GPBP1L1: variants seen among roughly 807,000 people sequenced by gnomAD.
GPBP1L1 encodes vasculin-like protein 1.
A neutral mutation model predicts 52.5 loss-of-function variants in GPBP1L1; 23 were observed. That is an observed-to-expected ratio of 0.44 (90% CI 0.32 to 0.62). GPBP1L1 has a LOEUF of 0.62. GPBP1L1 is among the 20% of genes least tolerant of loss of function. GPBP1L1 has a pLI of 0.06. For missense variants in GPBP1L1, 596 were observed against 579.3 expected, an observed-to-expected ratio of 1.03 and a Z score of -0.30; for synonymous variants, 243 against 203.1, an observed-to-expected ratio of 1.20 and a Z score of -1.67.
intron 4 of GPBP1L1, among the ~76,000 whole-genome samples, chr1:45,656,844 G>GT (rs56761133): frequency 2.5e-4 from 37 of 147,440 alleles, no homozygotes; most frequent in East Asian, 4.0e-4. Flanking sequence ...TTTTGTTGTT[G>GT]TTTTTTTTTT....
chr1:45,647,652 T>C (rs1422833429), intron 6 of GPBP1L1, among the ~76,000 whole-genome samples: 3 of 152,244 alleles, frequency 2.0e-5, no homozygotes, highest in African/African-American at 7.2e-5. Flanking sequence ...AGCCAGGTTC[T>C]GACATATAAG....
chr1:45,659,548 A>G (rs1324215216), intron 3 of GPBP1L1, among the ~76,000 whole-genome samples: 1 of 152,196 alleles, frequency 6.6e-6, no homozygotes, highest in African/African-American at 2.4e-5. Flanking sequence ...TTGTTACATC[A>G]AAGAACATGA....
intron 6 of GPBP1L1, among the ~76,000 whole-genome samples, chr1:45,644,371 TAC>T (rs1203260772): frequency 6.6e-6 from 1 of 152,182 alleles, no homozygotes; most frequent in African/African-American, 2.4e-5. Context: ...TTTTAAAAAA[TAC>T]AGTTTTAAAA....
chr1:45,670,857 A>C (rs1645066125), intron 2 of GPBP1L1, among the ~76,000 whole-genome samples: 9 of 129,194 alleles, frequency 7.0e-5, no homozygotes, highest in African/African-American at 2.4e-4. Context: ...CAGTGGTGTG[A>C]TCTCGGCTCA....
intron 2 of GPBP1L1, among the ~76,000 whole-genome samples, chr1:45,661,606 C>A (rs903946697): frequency 1.3e-5 from 2 of 152,106 alleles, no homozygotes; most frequent in African/African-American, 4.8e-5. Flanking sequence ...CAGGTGTGCA[C>A]TACCATGCCC....
At chr1:45,651,872 C>G (rs750814424) in intron 6 of GPBP1L1, 9 of 222,402 alleles carry the variant, frequency 4.0e-5, no homozygotes, top group Non-Finnish European at 7.9e-5. Flanking sequence ...ACTCTTCCTT[C>G]TCTAATTAAC....
chr1:45,640,433 G>GA (rs1644657354), intron 7 of GPBP1L1, 30 bp from the exon 8 acceptor site: 1 of 1,570,748 alleles, frequency 6.4e-7, no homozygotes, highest in Non-Finnish European at 8.8e-7. Context: ...AGAGACAACA[G>GA]AATGTCAAAC....
intron 6 of GPBP1L1, chr1:45,645,782 T>TTTG: frequency 1.7e-5 from 6 of 363,628 alleles, no homozygotes; most frequent in South Asian, 4.4e-5. Context: ...TTTTTTTTTT[T>TTTG]GAGGCATTTT....
intron 2 of GPBP1L1, among the ~76,000 whole-genome samples, chr1:45,675,324 T>TA (rs1360475520): frequency 1.3e-5 from 2 of 151,648 alleles, no homozygotes; most frequent in Admixed American, 1.3e-4. Context: ...TAAATAAAAA[T>TA]AAAAAAATAA....
chr1:45,651,128 A>G (rs1644814221), intron 6 of GPBP1L1: 2 of 502,574 alleles, frequency 4.0e-6, no homozygotes, highest in Non-Finnish European at 7.9e-6. Context: ...CAGTGATGGC[A>G]GATCTCATCG....
chr1:45,642,896 T>C (rs1644692084), intron 6 of GPBP1L1, among the ~76,000 whole-genome samples: 1 of 152,206 alleles, frequency 6.6e-6, no homozygotes, highest in African/African-American at 2.4e-5. Flanking sequence ...TGTATAGTAT[T>C]CACTGCATTT....
chr1:45,659,135 G>C lies in GPBP1L1; in HGVS notation c.-48C>G, dbSNP rs1187017666. 1 of 1,592,738 alleles carries C rather than the reference G, an allele frequency of 6.3e-7. No homozygotes were observed. Among genetic ancestry groups the C allele is most frequent in the Middle Eastern group, 1.7e-4 (1 of 6,024 alleles). ...GTAAGGTGAGGCATCCAACCTCATG[G>C]CCAGGATCTGAAAACAAAACAATTC... On this transcript the variant is annotated 5_prime_UTR_variant, in exon 4 of 13. Coordinates refer to ENST00000355105, the MANE Select transcript of GPBP1L1 (RefSeq NM_021639.5).
chr1:45,651,745 C>T, intron 6 of GPBP1L1: 1 of 376,050 alleles, frequency 2.7e-6, no homozygotes, highest in Non-Finnish European at 4.8e-6. Flanking sequence ...ATAGCGGATT[C>T]ACCACTTTCT....
intron 11 of GPBP1L1, among the ~76,000 whole-genome samples, chr1:45,629,896 A>G (rs1294687324): frequency 6.6e-6 from 1 of 151,850 alleles, no homozygotes; most frequent in Non-Finnish European, 1.5e-5. Flanking sequence ...GCTAAAGAAG[A>G]GACAGTAGAA....
chr1:45,653,712 T>C (rs1307939398), intron 6 of GPBP1L1, among the ~76,000 whole-genome samples: 1 of 151,034 alleles, frequency 6.6e-6, no homozygotes, highest in Non-Finnish European at 1.5e-5. Context: ...CTTTTTTTTT[T>C]TTTTGAGACA....
At chr1:45,638,279 T>C (rs571913143) in intron 8 of GPBP1L1, among the ~76,000 whole-genome samples, 2 of 152,336 alleles carry the variant, frequency 1.3e-5, no homozygotes, top group African/African-American at 2.4e-5. Flanking sequence ...CCACTGCCTA[T>C]ATTCTATCTA....
At chr1:45,631,871 G>C (rs954291061) in intron 10 of GPBP1L1, among the ~76,000 whole-genome samples, 1 of 152,106 alleles carries the variant, frequency 6.6e-6, no homozygotes, top group African/African-American at 2.4e-5. Flanking sequence ...AGTGAACTGT[G>C]ATCATTAATG....
At chr1:45,633,670 T>A in intron 9 of GPBP1L1, 23 bp from the exon 10 acceptor site, 1 of 1,611,178 alleles carries the variant, frequency 6.2e-7, no homozygotes, top group Non-Finnish European at 8.5e-7. Context: ...CACAAACAGG[T>A]TGCTCCTGAC....
intron 6 of GPBP1L1, among the ~76,000 whole-genome samples, chr1:45,643,545 T>A (rs1644701248): frequency 6.6e-6 from 1 of 150,538 alleles, no homozygotes; most frequent in African/African-American, 2.5e-5. Flanking sequence ...GAGAACGAGA[T>A]AAGGGAAAGG....
Sources: allele counts gnomAD v4.1 joint callset (sites outside exome capture counted in the v4.1 genomes callset), GRCh38; gene constraint gnomAD v4.1.1; transcripts MANE v1.5; gene names NCBI Gene and HGNC (gene_info 2026-07-23, HGNC 2026-07-21).